Variants in CUX1 observed in about 807,000 individuals in gnomAD.
CUX1 encodes the protein protein CASP.
CUX1 carries 31 observed loss-of-function variants against 158.8 expected under a neutral mutation model. The ratio of observed to expected loss-of-function variants is 0.20; its 90% CI spans 0.15 to 0.26. The LOEUF is 0.26. Ranked by LOEUF, CUX1 falls within the 10% of genes least tolerant of loss-of-function variation. The probability of loss-of-function intolerance (pLI) is 1.00; values close to 1 mark genes in which losing one functional copy is unlikely to be tolerated. For missense variants in CUX1, 1,589 were observed against 2,014.6 expected (o/e 0.79, Z 4.04); for synonymous variants, 879 against 862.1 (o/e 1.02, Z -0.34).
chr7:102,270,227 C>T (rs1452643036), intron 14 of CUX1, among the ~76,000 whole-genome samples: 6 of 152,246 alleles, frequency 3.9e-5, no homozygotes, highest in Non-Finnish European at 5.9e-5. Context: ...CGTGTTCCAG[C>T]CTCCAGCAGA....
chr7:102,253,372 A>G lies in CUX1; in HGVS notation c.*4330A>G. On this transcript the variant is annotated 3_prime_UTR_variant, in exon 24 of 24. Transcript: ENST00000292535. ...AGATCGCTGTGGGCCTCGGCTGACTACTTTAAGATTATGCCACAGCCAGGC... is the reference window on the plus strand; with the variant it reads ...AGATCGCTGTGGGCCTCGGCTGACTGCTTTAAGATTATGCCACAGCCAGGC... The G allele has an allele frequency of 1.0e-6, 1 of 985,382 alleles. No individual in the cohort carries two copies. The highest frequency in any genetic ancestry group is 1.2e-6 in the Non-Finnish European group (1 of 829,938). The allele number at this position is 985,382 out of a possible 1,614,324, so 61.0% of individuals were successfully genotyped here. A position where few individuals can be genotyped will look rare whatever the true frequency, so the allele number is the denominator to read the frequency against.
intron 8 of CUX1, among the ~76,000 whole-genome samples, chr7:102,115,908 T>C (rs1265986169): frequency 6.6e-6 from 1 of 152,208 alleles, no homozygotes; most frequent in African/African-American, 2.4e-5. Flanking sequence ...AAATTGCTCC[T>C]AGCCATTGCC....
chr7:101,898,134 C>T (rs1275556721), intron 1 of CUX1, among the ~76,000 whole-genome samples: 3 of 151,932 alleles, frequency 2.0e-5, no homozygotes, highest in Admixed American at 6.6e-5. Flanking sequence ...TGCTTTAAAC[C>T]GCAAATGTCT....
chr7:102,227,284 G>A (rs139719470), intron 20 of CUX1, 83 bp from the exon 21 acceptor site: 25 of 1,222,092 alleles, frequency 2.0e-5, no homozygotes, highest in Non-Finnish European at 2.8e-5. Flanking sequence ...CGTTTAATTA[G>A]TATTTCCTAG....
intron 8 of CUX1, among the ~76,000 whole-genome samples, chr7:102,135,449 C>T (rs1291883398): frequency 2.0e-5 from 3 of 151,368 alleles, no homozygotes; most frequent in Non-Finnish European, 4.4e-5. Flanking sequence ...CGGAGGAGGA[C>T]GTGGAGGAGG....
At chr7:101,862,458 C>A (rs1797555611) in intron 1 of CUX1, among the ~76,000 whole-genome samples, 1 of 152,138 alleles carries the variant, frequency 6.6e-6, no homozygotes, top group African/African-American at 2.4e-5. Flanking sequence ...CTGCGGTTGT[C>A]CTTCAGCTGC....
rs66481506 is a variant in CUX1 at position 101,895,891 on chromosome 7, G to GTTTTTTTTT, written c.31-20222_31-20214dup. ...CACGTTTCCTTGTATCACCTGTAAA[G>GTTTTTTTTT]TTTTTTTTTTGTTTTTGTTTTTTTT... On this transcript the variant is annotated intron_variant, in intron 1 of 23. Transcript: ENST00000292535. 1.8e-5 allele frequency among the ~76,000 whole-genome samples: 2 copies of GTTTTTTTTT among 112,716 alleles called. 1 individual carries two copies. Among genetic ancestry groups the GTTTTTTTTT allele is most frequent in the Non-Finnish European group, 3.4e-5 (2 of 58,170 alleles). 73.9% of individuals were successfully genotyped at this position (112,716 alleles called of 152,430 possible).
chr7:102,175,148 C>G lies in CUX1; in HGVS notation c.829-3321C>G, dbSNP rs1225020595. On this transcript the variant is annotated intron_variant, in intron 10 of 23. Coordinates refer to ENST00000292535, the MANE Select transcript of CUX1 (RefSeq NM_181552.4). ...GTGTGGCCGAGCTCTTGTGGCCATG[C>G]CCAGCCGGGCGCAGGAGTTGAGCCC... 6.6e-5 allele frequency among the ~76,000 whole-genome samples: 10 copies of G among 152,336 alleles called. No homozygotes were observed. The East Asian group carries it at 1.9e-3, about 29-fold the overall frequency.
chr7:102,204,617 C>T (rs1324958188), intron 19 of CUX1, 61 bp downstream of exon 19: 41 of 1,583,862 alleles, frequency 2.6e-5, no homozygotes, highest in Non-Finnish European at 3.4e-5. Flanking sequence ...CTGGTCACAG[C>T]AGCCCCACCT....
At chr7:102,119,187 A>G (rs1436837601) in intron 8 of CUX1, among the ~76,000 whole-genome samples, 3 of 152,234 alleles carry the variant, frequency 2.0e-5, no homozygotes, top group Non-Finnish European at 2.9e-5. Context: ...CGTTTCTGAA[A>G]TTAACGGCCT....
intron 1 of CUX1, among the ~76,000 whole-genome samples, chr7:101,846,493 A>G (rs1795700918): frequency 6.6e-6 from 1 of 152,050 alleles, no homozygotes; most frequent in Non-Finnish European, 1.5e-5. Flanking sequence ...CACCACACCC[A>G]GCTGATTTTA....
intron 20 of CUX1, among the ~76,000 whole-genome samples, chr7:102,218,938 A>T (rs957241517): frequency 4.9e-4 from 74 of 151,658 alleles, no homozygotes; most frequent in African/African-American, 1.7e-3. Flanking sequence ...CTGTCGTTCC[A>T]GCTACTCAGG....
intron 1 of CUX1, among the ~76,000 whole-genome samples, chr7:101,872,018 CCCAA>C (rs1798614057): frequency 7.9e-6 from 1 of 125,964 alleles, no homozygotes; most frequent in Admixed American, 8.9e-5. Flanking sequence ...ACTCCATCCC[CCCAA>C]AAAAAAAAAA....
At chr7:102,190,014 A>G in intron 12 of CUX1, 143 bp downstream of exon 12, 1 of 824,488 alleles carries the variant, frequency 1.2e-6, no homozygotes, top group Non-Finnish European at 1.9e-6. Flanking sequence ...GAGTTCTACC[A>G]CTGCATGGTG....
At chr7:102,241,399 T>C (rs527974444) in intron 23 of CUX1, among the ~76,000 whole-genome samples, 35 of 152,214 alleles carry the variant, frequency 2.3e-4, no homozygotes, top group Admixed American at 2.0e-3. Context: ...CACGATAACA[T>C]TGGGGTAGGT....
chr7:101,870,737 C>A (rs549715031), intron 1 of CUX1, among the ~76,000 whole-genome samples: 1 of 152,334 alleles, frequency 6.6e-6, no homozygotes, highest in South Asian at 2.1e-4. Flanking sequence ...AGAGCTGGTT[C>A]TGCAAGATTT....
chr7:102,213,714 TGAA>T (rs1210923441), intron 20 of CUX1, among the ~76,000 whole-genome samples: 2 of 152,192 alleles, frequency 1.3e-5, no homozygotes, highest in Admixed American at 6.5e-5. Flanking sequence ...AGGGAAGGAA[TGAA>T]GAAGCTTAAA....
At chr7:101,931,832 GCTAC>G (rs1563025889) in intron 2 of CUX1, among the ~76,000 whole-genome samples, 1 of 152,166 alleles carries the variant, frequency 6.6e-6, no homozygotes, top group Non-Finnish European at 1.5e-5. Context: ...ATAGGTGTGA[GCTAC>G]CGTACCCCTC....
intron 23 of CUX1, among the ~76,000 whole-genome samples, chr7:102,246,545 G>A (rs1339625214): frequency 3.3e-5 from 5 of 150,460 alleles, no homozygotes; most frequent in South Asian, 4.2e-4. Flanking sequence ...CACAGGACCC[G>A]GCGCAGAGTA....
Sources: allele counts gnomAD v4.1 joint callset (sites outside exome capture counted in the v4.1 genomes callset), GRCh38; gene constraint gnomAD v4.1.1; transcripts MANE v1.5; gene names NCBI Gene and HGNC (gene_info 2026-07-23, HGNC 2026-07-21).